The following FAM184B variants were observed in gnomAD, a reference collection of about 807,000 sequenced individuals.
FAM184B encodes the protein family with sequence similarity 184 member B.
FAM184B carries 111 observed loss-of-function variants against 135.9 expected under a neutral mutation model. That is an observed-to-expected ratio of 0.82 (90% CI 0.70 to 0.96). The LOEUF (loss-of-function observed/expected upper bound fraction) is 0.96, where lower values mean the gene tolerates loss of function less well. FAM184B is among the 40% of genes least tolerant of loss of function. The pLI is 0.00. For missense variants in FAM184B, 1,375 were observed against 1,323.9 expected (o/e 1.04, Z -0.60); for synonymous variants, 552 against 524.8 (o/e 1.05, Z -0.71).
At chr4:17,685,225 G>A (rs1044726303) in intron 7 of FAM184B, among the ~76,000 whole-genome samples, 11 of 143,398 alleles carry the variant, frequency 7.7e-5, no homozygotes, top group African/African-American at 2.3e-4. Context: ...AAAAGAAACC[G>A]AACTCATTGA....
intron 1 of FAM184B, among the ~76,000 whole-genome samples, chr4:17,769,652 G>C (rs780573894): frequency 6.6e-6 from 1 of 152,156 alleles, no homozygotes; most frequent in Admixed American, 6.5e-5. Flanking sequence ...TAGACCTTTT[G>C]AGTTCAAGGC....
At chr4:17,673,788 G>A (rs1451954004) in intron 7 of FAM184B, among the ~76,000 whole-genome samples, 5 of 151,966 alleles carry the variant, frequency 3.3e-5, no homozygotes, top group Non-Finnish European at 5.9e-5. Flanking sequence ...GGGGGTAAGG[G>A]ATAAAAGACT....
At chr4:17,771,800 ACT>A (rs1423782753) in intron 1 of FAM184B, among the ~76,000 whole-genome samples, 1 of 152,034 alleles carries the variant, frequency 6.6e-6, no homozygotes, top group Non-Finnish European at 1.5e-5. Flanking sequence ...GCAGTCCTTG[ACT>A]CTCTGAAGTT....
rs550523641 is a variant in FAM184B, at chr4:17,701,666, A to C, written c.1377+3334T>G. Among the ~76,000 whole-genome samples the C allele has an allele frequency of 7.2e-5, 11 of 152,338 alleles. No homozygotes were observed. In the South Asian group the frequency reaches 2.1e-3, roughly 29 times the overall value. On this transcript the variant is annotated intron_variant, in intron 5 of 17. Transcript: ENST00000265018. The stretch of plus-strand genomic sequence containing the variant: ...TATCCTGGATTGCAAATCACAGGCC[A>C]TGATGTGGACAGTGGGAAGCACACA...
chr4:17,642,047 G>C lies in FAM184B; in HGVS notation c.2519+9C>G, dbSNP rs573193304. On this transcript the variant is annotated intron_variant, in intron 13 of 17. Transcript: ENST00000265018. ...GTGGCGCGGTGGCGGGGCGCGCCGG[G>C]TCACCCACCTGCGCTGGTCTCGGAG... The C allele has an allele frequency of 1.3e-6, 2 of 1,523,334 alleles. No homozygotes were observed. The highest frequency in any genetic ancestry group is 2.4e-5 in the South Asian group (2 of 83,342). 94.4% of individuals were successfully genotyped at this position (1,523,334 alleles called of 1,614,324 possible). A position where few individuals can be genotyped will look rare whatever the true frequency, so the allele number is the denominator to read the frequency against.
intron 1 of FAM184B, among the ~76,000 whole-genome samples, chr4:17,771,651 T>C (rs1282610618): frequency 6.6e-6 from 1 of 152,134 alleles, no homozygotes; most frequent in African/African-American, 2.4e-5. Flanking sequence ...CTTTAAGCCA[T>C]GAAAACACAG....
intron 14 of FAM184B, among the ~76,000 whole-genome samples, chr4:17,637,125 C>T (rs10029452): frequency 0.027 from 4,106 of 152,212 alleles, 183 homozygotes; most frequent in African/African-American, 0.093. Flanking sequence ...CTCCCTGGTT[C>T]AAGCGATTCT....
At chr4:17,663,109 T>TA (rs1431168952) in intron 8 of FAM184B, among the ~76,000 whole-genome samples, 6 of 152,108 alleles carry the variant, frequency 3.9e-5, no homozygotes, top group Admixed American at 3.9e-4. Flanking sequence ...CTAATTTTTG[T>TA]ATTTTTTTGT....
chr4:17,721,839 C>G (rs772651324), intron 1 of FAM184B, among the ~76,000 whole-genome samples: 1 of 152,204 alleles, frequency 6.6e-6, no homozygotes, highest in Admixed American at 6.5e-5. Flanking sequence ...GGCCTAAGAT[C>G]TGAAAGCCAG....
At chr4:17,668,880 T>C (rs918926248) in intron 7 of FAM184B, among the ~76,000 whole-genome samples, 1 of 152,234 alleles carries the variant, frequency 6.6e-6, no homozygotes, top group Non-Finnish European at 1.5e-5. Context: ...TCACTTACTA[T>C]GTGCCAGGCA....
At chr4:17,731,514 C>A (rs1158131149) in intron 1 of FAM184B, among the ~76,000 whole-genome samples, 2 of 152,102 alleles carry the variant, frequency 1.3e-5, no homozygotes, top group African/African-American at 4.8e-5. Flanking sequence ...CAAAAAAAGG[C>A]AGGGATTGCA....
intron 17 of FAM184B, 127 bp downstream of exon 17, chr4:17,633,562 C>T (rs1180810824): frequency 1.2e-6 from 1 of 844,252 alleles, no homozygotes; most frequent in Non-Finnish European, 1.7e-6. Context: ...GATTCAGTGT[C>T]CCTTGTCTAA....
At chr4:17,697,292 C>A (rs927492953) in intron 5 of FAM184B, among the ~76,000 whole-genome samples, 4 of 152,192 alleles carry the variant, frequency 2.6e-5, no homozygotes, top group Admixed American at 1.3e-4. Context: ...AAAGATACTG[C>A]TGCTGATCAC....
At chr4:17,748,448 A>G (rs991231958) in intron 1 of FAM184B, among the ~76,000 whole-genome samples, 3 of 150,734 alleles carry the variant, frequency 2.0e-5, no homozygotes, top group Non-Finnish European at 4.4e-5. Context: ...GAGTTGGTCA[A>G]TGGTTGTCCT....
intron 5 of FAM184B, among the ~76,000 whole-genome samples, chr4:17,701,032 GA>G: frequency 6.6e-6 from 1 of 152,168 alleles, no homozygotes; most frequent in Admixed American, 6.5e-5. Flanking sequence ...GACATATGTC[GA>G]GGTGACATAT....
chr4:17,662,118 G>A (rs1428170392), intron 8 of FAM184B, among the ~76,000 whole-genome samples: 1 of 152,078 alleles, frequency 6.6e-6, no homozygotes, highest in Non-Finnish European at 1.5e-5. Context: ...TTGTTTCCAG[G>A]TTATGTTGCT....
rs557056743 is a variant in FAM184B at position 17,764,408 on chromosome 4, C to T, written c.141+16751G>A. Among the ~76,000 whole-genome samples the T allele has an allele frequency of 2.6e-5, 4 of 152,306 alleles. No homozygotes were observed. The South Asian group carries it at 8.3e-4, about 32-fold the overall frequency. On this transcript the variant is annotated intron_variant, in intron 1 of 17. Coordinates refer to ENST00000265018, the MANE Select transcript of FAM184B (RefSeq NM_015688.2). ...GCTCATCGAAGCACATGCATACATC[C>T]CTTAAGGGGGTTCTCATATGTTTTG...
At chr4:17,701,754 A>G (rs1258320719) in intron 5 of FAM184B, among the ~76,000 whole-genome samples, 2 of 152,204 alleles carry the variant, frequency 1.3e-5, no homozygotes, top group African/African-American at 2.4e-5. Context: ...GTACTGACCA[A>G]CCGAACTTTC....
intron 1 of FAM184B, among the ~76,000 whole-genome samples, chr4:17,757,271 ATG>A (rs1335068409): frequency 1.3e-5 from 2 of 152,166 alleles, no homozygotes; most frequent in African/African-American, 4.8e-5. Context: ...AGAAAAAACA[ATG>A]TGTGTGTGTA....
Sources: allele counts gnomAD v4.1 joint callset (sites outside exome capture counted in the v4.1 genomes callset), GRCh38; gene constraint gnomAD v4.1.1; transcripts MANE v1.5; gene names NCBI Gene and HGNC (gene_info 2026-07-23, HGNC 2026-07-21).